Variants in PTPRD observed in about 807,000 individuals in gnomAD.
PTPRD encodes the protein receptor-type tyrosine-protein phosphatase delta.
PTPRD carries 34 observed loss-of-function variants against 214.5 expected under a neutral mutation model. The observed-to-expected ratio is 0.16, with a 90% confidence interval of 0.12 to 0.21. The LOEUF is 0.21. PTPRD is among the 10% of genes least tolerant of loss of function. The pLI, the probability that PTPRD is intolerant of heterozygous loss-of-function variation, is 1.00. For missense variants in PTPRD, 2,545 were observed against 2,398.7 expected, an observed-to-expected ratio of 1.06 and a Z score of -1.27; for synonymous variants, 1,128 against 845.7, an observed-to-expected ratio of 1.33 and a Z score of -5.79.
chr9:10,197,781 CATGGGAGGG>C (rs2099403792), intron 3 of PTPRD, among the ~76,000 whole-genome samples: 1 of 151,944 alleles, frequency 6.6e-6, no homozygotes, highest in South Asian at 2.1e-4. Flanking sequence ...CCTGGTAGGC[CATGGGAGGG>C]ATGGGTCTGT....
chr9:9,222,992 A>G (rs1474696598), intron 9 of PTPRD, among the ~76,000 whole-genome samples: 5 of 152,062 alleles, frequency 3.3e-5, no homozygotes, highest in Admixed American at 3.3e-4. Flanking sequence ...TTACTAAACT[A>G]TGACTTTTTC....
At chr9:10,455,426 A>G (rs73390349) in intron 2 of PTPRD, among the ~76,000 whole-genome samples, 4,392 of 151,716 alleles carry the variant, frequency 0.029, 218 homozygotes, top group African/African-American at 0.1. Flanking sequence ...GTCTAGCTCT[A>G]TATTTCTTGT....
At chr9:10,425,180 T>C (rs976153928) in intron 2 of PTPRD, among the ~76,000 whole-genome samples, 1 of 152,006 alleles carries the variant, frequency 6.6e-6, no homozygotes, top group Non-Finnish European at 1.5e-5. Context: ...AAATATAAAA[T>C]GGCTGCTGAG....
chr9:10,182,698 C>A (rs1564373891), intron 3 of PTPRD, among the ~76,000 whole-genome samples: 1 of 151,904 alleles, frequency 6.6e-6, no homozygotes, highest in South Asian at 2.1e-4. Flanking sequence ...AGTAGTTTGG[C>A]AAAAAATGTA....
At chr9:10,308,470 T>C (rs1227188096) in intron 3 of PTPRD, among the ~76,000 whole-genome samples, 1 of 152,156 alleles carries the variant, frequency 6.6e-6, no homozygotes, top group Non-Finnish European at 1.5e-5. Flanking sequence ...TGTAGCTTTG[T>C]AGTATATTTT....
At chr9:9,793,520 G>T (rs2153478921) in intron 5 of PTPRD, among the ~76,000 whole-genome samples, 1 of 152,180 alleles carries the variant, frequency 6.6e-6, no homozygotes, top group Middle Eastern at 3.4e-3. Context: ...ATGTACGTCT[G>T]TCAACATGTG....
intron 11 of PTPRD, among the ~76,000 whole-genome samples, chr9:8,740,436 G>A (rs548030407): frequency 1.3e-5 from 2 of 152,188 alleles, no homozygotes; most frequent in South Asian, 2.1e-4. Context: ...GGCCACATTC[G>A]ATTAATATTA....
intron 35 of PTPRD, among the ~76,000 whole-genome samples, chr9:8,418,804 T>A (rs1458529477): frequency 6.6e-6 from 1 of 152,006 alleles, no homozygotes; most frequent in Non-Finnish European, 1.5e-5. Flanking sequence ...AATAACCCAT[T>A]GGCTAAGCTA....
At chr9:9,382,870 T>C (rs2062753399) in intron 9 of PTPRD, among the ~76,000 whole-genome samples, 1 of 152,088 alleles carries the variant, frequency 6.6e-6, no homozygotes, top group Admixed American at 6.6e-5. Context: ...TGCAGAACGA[T>C]TCACAATAGC....
intron 3 of PTPRD, among the ~76,000 whole-genome samples, chr9:10,072,819 G>A (rs1023247571): frequency 1.3e-5 from 2 of 152,056 alleles, no homozygotes; most frequent in African/African-American, 4.8e-5. Flanking sequence ...CTTATCATAC[G>A]ATCCAATTAT....
intron 5 of PTPRD, among the ~76,000 whole-genome samples, chr9:9,841,087 T>C (rs2058222793): frequency 6.6e-6 from 1 of 152,200 alleles, no homozygotes; most frequent in Non-Finnish European, 1.5e-5. Context: ...AGTGTTTTTG[T>C]CTATTTTTCT....
At chr9:8,427,742 G>C (rs1394754188) in intron 35 of PTPRD, among the ~76,000 whole-genome samples, 1 of 151,936 alleles carries the variant, frequency 6.6e-6, no homozygotes, top group Non-Finnish European at 1.5e-5. Context: ...GCCTGGGATA[G>C]GAAATGGTAG....
At chr9:9,457,779 G>GT (rs1404639155) in intron 8 of PTPRD, among the ~76,000 whole-genome samples, 1 of 151,838 alleles carries the variant, frequency 6.6e-6, no homozygotes, top group African/African-American at 2.4e-5. Context: ...AATACAGGGG[G>GT]AAGATAAGTT....
At chr9:8,329,503 C>G (rs1399409216) in intron 44 of PTPRD, among the ~76,000 whole-genome samples, 1 of 152,108 alleles carries the variant, frequency 6.6e-6, no homozygotes, top group Admixed American at 6.6e-5. Flanking sequence ...CAGGGACCCA[C>G]TTGAGGAGAG....
chr9:10,110,564 G>C (rs978201513), intron 3 of PTPRD, among the ~76,000 whole-genome samples: 5 of 152,174 alleles, frequency 3.3e-5, no homozygotes, highest in African/African-American at 1.2e-4. Flanking sequence ...AAAAACATGA[G>C]AAAGTTTGGT....
Position 9,864,924 on chromosome 9 carries a change from TATAAA to T in PTPRD, c.-368+73578_-368+73582del, listed in dbSNP as rs1387415340. 2.0e-5 allele frequency among the ~76,000 whole-genome samples: 3 copies of T among 152,186 alleles called. No individual in the cohort carries two copies. The East Asian group carries it at 5.8e-4, about 29-fold the overall frequency. On this transcript the variant is annotated intron_variant, in intron 5 of 45. Transcript: ENST00000381196. ...TTAAAAATTATATTTTAGGATAAAT[TATAAA>T]ATAATGATTTTTAATGTATTTCTGA...
At chr9:9,958,055 T>C (rs190010976) in intron 4 of PTPRD, among the ~76,000 whole-genome samples, 53 of 152,276 alleles carry the variant, frequency 3.5e-4, no homozygotes, top group Admixed American at 3.4e-3. Flanking sequence ...GACATAGAGC[T>C]TACACCTTTC....
At chr9:10,029,336 G>A (rs1188831172) in intron 4 of PTPRD, among the ~76,000 whole-genome samples, 1 of 152,132 alleles carries the variant, frequency 6.6e-6, no homozygotes, top group East Asian at 1.9e-4. Context: ...TGAGAAGAGA[G>A]CCACCATCCT....
intron 3 of PTPRD, among the ~76,000 whole-genome samples, chr9:10,107,403 A>AT (rs1166583058): frequency 6.6e-6 from 1 of 152,012 alleles, no homozygotes; most frequent in Admixed American, 6.6e-5. Flanking sequence ...AACATGACTC[A>AT]TTTTTTTGTT....
Sources: gnomAD v4.1 joint callset for allele counts (sites outside exome capture counted in the v4.1 genomes callset) on GRCh38, gnomAD v4.1.1 for gene constraint, MANE v1.5 for transcripts, NCBI Gene and HGNC (gene_info 2026-07-23, HGNC 2026-07-21) for gene names.